SMIM42: variants seen among roughly 807,000 people sequenced by gnomAD.
The protein encoded by SMIM42 is small integral membrane protein 42.
rs189289184 is a variant in SMIM42 at position 158,128,157 on chromosome 1, T to C, written c.-83A>G. ...AAGAGAATTGGGCTTGCTCTTGTTGTATCCTAGGAGTGGATATGGTACAGC... is the reference window on the plus strand; with the variant it reads ...AAGAGAATTGGGCTTGCTCTTGTTGCATCCTAGGAGTGGATATGGTACAGC... On this transcript the variant is annotated 5_prime_UTR_variant, in exon 1 of 1. The change creates a new upstream start codon in the 5' untranslated region. Coordinates refer to ENST00000672824, the Ensembl canonical transcript of SMIM42. Among the ~76,000 whole-genome samples, 4 of 152,250 alleles carry C rather than the reference T, an allele frequency of 2.6e-5. No homozygotes were observed. The highest frequency in any genetic ancestry group is 2.6e-4 in the Admixed American group (4 of 15,294).
exon 1 of SMIM42, among the ~76,000 whole-genome samples, chr1:158,127,799 C>T (rs4656415): frequency 0.65 from 98,405 of 151,886 alleles, 31,876 homozygotes; most frequent in Admixed American, 0.71. Flanking sequence ...CTCCAGTGGC[C>T]GTGCCTCTCT....
chr1:158,127,322 A>T (rs1452702384), exon 1 of SMIM42, among the ~76,000 whole-genome samples: 1 of 152,178 alleles, frequency 6.6e-6, no homozygotes, highest in Non-Finnish European at 1.5e-5. Flanking sequence ...TACTCCCAGC[A>T]TTAAGTGAAG....
At chr1:158,127,345 T>C (rs556529214) in exon 1 of SMIM42, among the ~76,000 whole-genome samples, 1 of 151,348 alleles carries the variant, frequency 6.6e-6, no homozygotes, top group Admixed American at 6.6e-5. Flanking sequence ...GAGGAAAGAG[T>C]GTACCTACAA....
exon 1 of SMIM42, among the ~76,000 whole-genome samples, chr1:158,127,755 G>A (rs140043155): frequency 5.1e-4 from 77 of 152,306 alleles, no homozygotes; most frequent in African/African-American, 1.6e-3. Context: ...GGCTAAAGCA[G>A]CTCTGGCTCC....
rs56815558 is a variant in SMIM42 at position 158,128,242 on chromosome 1, A to G, written c.-168T>C. ...GGCTATTCTCCTTTGGATGTAATGG[A>G]GAAGGCATAGACGTTTGCTCAGCAA... On this transcript the variant is annotated 5_prime_UTR_variant, in exon 1 of 1. Transcript: ENST00000672824. Among the ~76,000 whole-genome samples, 849 of 152,316 alleles carry G rather than the reference A, an allele frequency of 5.6e-3. 9 individuals carry two copies. The highest frequency in any genetic ancestry group is 0.02 in the African/African-American group (813 of 41,560).
chr1:158,127,380 T>C (rs911577453), exon 1 of SMIM42, among the ~76,000 whole-genome samples: 1 of 152,120 alleles, frequency 6.6e-6, no homozygotes, highest in East Asian at 1.9e-4. Flanking sequence ...AGCCATTTCA[T>C]TTTAAGGATC....
exon 1 of SMIM42, among the ~76,000 whole-genome samples, chr1:158,127,668 G>A (rs373418137): frequency 6.6e-6 from 1 of 151,962 alleles, no homozygotes; most frequent in East Asian, 1.9e-4. Flanking sequence ...ACCGCAGGAG[G>A]AGTGCATTAT....
At chr1:158,127,661 G>A (rs1018604347) in exon 1 of SMIM42, among the ~76,000 whole-genome samples, 13 of 149,964 alleles carry the variant, frequency 8.7e-5, no homozygotes, top group Non-Finnish European at 3.0e-5. Flanking sequence ...CCAAAGAACC[G>A]CAGGAGGAGT....
At chr1:158,128,103 C>T (rs776051555) in exon 1 of SMIM42, among the ~76,000 whole-genome samples, 61 of 152,200 alleles carry the variant, frequency 4.0e-4, no homozygotes, top group Non-Finnish European at 6.2e-4. Context: ...GAGATAGGTA[C>T]GTGGTGCAAG....
At chr1:158,127,709 G>A (rs974547600) in exon 1 of SMIM42, among the ~76,000 whole-genome samples, 2 of 152,012 alleles carry the variant, frequency 1.3e-5, no homozygotes, top group African/African-American at 4.8e-5. Flanking sequence ...AAGGAAATGA[G>A]GCCTGGGGGG....
In SMIM42 at chr1:158,127,622, A is replaced by AG. The variant is rs756810721; in HGVS notation, c.*239dup. Among the ~76,000 whole-genome samples, 16 of 144,382 alleles carry AG rather than the reference A, an allele frequency of 1.1e-4. 2 individuals carry two copies. The highest frequency in any genetic ancestry group is 1.3e-4 in the Non-Finnish European group (9 of 66,870). The allele number at this position is 144,382 out of a possible 152,430, so 94.7% of individuals were successfully genotyped here. A position where few individuals can be genotyped will look rare whatever the true frequency, so the allele number is the denominator to read the frequency against. On this transcript the variant is annotated 3_prime_UTR_variant, in exon 1 of 1. Coordinates refer to ENST00000672824, the Ensembl canonical transcript of SMIM42. ...TCCACAAAAAAAAAAAAAAAAAAAA[A>AG]GACATTCAAACTCAGAAGCTGGGAC...
At chr1:158,127,447 C>T (rs1330664494) in exon 1 of SMIM42, among the ~76,000 whole-genome samples, 4 of 152,028 alleles carry the variant, frequency 2.6e-5, no homozygotes, top group Admixed American at 2.6e-4. Flanking sequence ...GCTGTGAGCT[C>T]CCAATAATTT....
At chr1:158,127,517 A>C (rs1662846227) in exon 1 of SMIM42, among the ~76,000 whole-genome samples, 1 of 148,756 alleles carries the variant, frequency 6.7e-6, no homozygotes, top group Admixed American at 6.9e-5. Flanking sequence ...TTTGTAATCA[A>C]TTTTTACTTT....
At chr1:158,127,931 T>C (rs568524352) in exon 1 of SMIM42, among the ~76,000 whole-genome samples, 2 of 152,324 alleles carry the variant, frequency 1.3e-5, no homozygotes, top group Non-Finnish European at 2.9e-5. Flanking sequence ...CTTTGGTTAC[T>C]TTCCAGACCA....
In SMIM42 at chr1:158,127,304, A is replaced by G. The variant is rs35544405; in HGVS notation, c.*558T>C. Among the ~76,000 whole-genome samples the G allele has an allele frequency of 5.8e-3, 882 of 152,310 alleles. 6 individuals carry two copies. The highest frequency in any genetic ancestry group is 0.01 in the Middle Eastern group (3 of 294). On this transcript the variant is annotated 3_prime_UTR_variant, in exon 1 of 1. Coordinates refer to ENST00000672824, the Ensembl canonical transcript of SMIM42. ...TTCAAATCATTTCTTAATAAAAAAA[A>G]TACATTTTACTCCCAGCATTAAGTG...
exon 1 of SMIM42, among the ~76,000 whole-genome samples, chr1:158,128,121 C>T (rs1458780175): frequency 6.6e-6 from 1 of 152,090 alleles, no homozygotes; most frequent in East Asian, 1.9e-4. Flanking sequence ...AAGCCGACTG[C>T]CCACACCACC....
chr1:158,127,331 A>T (rs577130007), exon 1 of SMIM42, among the ~76,000 whole-genome samples: 5 of 152,280 alleles, frequency 3.3e-5, no homozygotes, highest in African/African-American at 7.2e-5. Context: ...CATTAAGTGA[A>T]GAGGAGGAAA....
chr1:158,127,972 G>A (rs1662853750), exon 1 of SMIM42, among the ~76,000 whole-genome samples: 1 of 152,148 alleles, frequency 6.6e-6, no homozygotes, highest in African/African-American at 2.4e-5. Context: ...GTCATCAGGG[G>A]TGTAAAGAAG....
exon 1 of SMIM42, among the ~76,000 whole-genome samples, chr1:158,127,788 G>A (rs1445695327): frequency 6.6e-6 from 1 of 152,150 alleles, no homozygotes; most frequent in Non-Finnish European, 1.5e-5. Context: ...CTCTGAGACA[G>A]CTCCAGTGGC....
Sources: gnomAD v4.1 joint callset for allele counts (sites outside exome capture counted in the v4.1 genomes callset) on GRCh38, gnomAD v4.1.1 for gene constraint, MANE v1.5 for transcripts, NCBI Gene and HGNC (gene_info 2026-07-23, HGNC 2026-07-21) for gene names.